Variants in B3GALNT2 observed in about 807,000 individuals in gnomAD.
B3GALNT2 encodes UDP-GalNAc:beta-1,3-N-acetylgalactosaminyltransferase 2.
In B3GALNT2, 53 loss-of-function variants were observed where a neutral mutation model predicts 61.1. That is an observed-to-expected ratio of 0.87 (90% CI 0.70 to 1.09). The LOEUF (loss-of-function observed/expected upper bound fraction) is 1.09, where lower values mean the gene tolerates loss of function less well. Ranked by LOEUF, B3GALNT2 falls within the 50% of genes least tolerant of loss-of-function variation. The pLI is 0.00. For missense variants in B3GALNT2, 544 were observed against 623.0 expected, an observed-to-expected ratio of 0.87 and a Z score of 1.35; for synonymous variants, 223 against 237.4, an observed-to-expected ratio of 0.94 and a Z score of 0.56.
intron 1 of B3GALNT2, among the ~76,000 whole-genome samples, chr1:235,501,422 G>A (rs1685576889): frequency 6.6e-6 from 1 of 152,180 alleles, no homozygotes; most frequent in Admixed American, 6.5e-5. Context: ...GGACTTCCCT[G>A]ACCTATTTAA....
chr1:235,487,500 AACTGAGGCAGAGGAGGTC>A (rs1272091443), intron 3 of B3GALNT2, among the ~76,000 whole-genome samples: 1 of 152,188 alleles, frequency 6.6e-6, no homozygotes, highest in Non-Finnish European at 1.5e-5. Flanking sequence ...CAGATGATAA[AACTGAGGCAGAGGAGGTC>A]ACACAGCTAG....
chr1:235,504,400 G>T lies in B3GALNT2; in HGVS notation c.-148C>A. ...CTCGGCGACGTCTGGGGGGCTCCTC[G>T]CAGCTCCCGGCCCCGCTCCTCCGGT... On this transcript the variant is annotated 5_prime_UTR_variant, in exon 1 of 12. Transcript: ENST00000366600. The T allele has an allele frequency of 1.2e-6, 1 of 821,288 alleles. No homozygotes were observed. Among genetic ancestry groups the T allele is most frequent in the South Asian group, 2.2e-5 (1 of 44,548 alleles). 50.9% of individuals were successfully genotyped at this position (821,288 alleles called of 1,614,324 possible). A position where few individuals can be genotyped will look rare whatever the true frequency, so the allele number is the denominator to read the frequency against.
chr1:235,455,836 TTGC>T, intron 8 of B3GALNT2, 152 bp from the exon 9 acceptor site: 2 of 993,552 alleles, frequency 2.0e-6, no homozygotes, highest in East Asian at 5.2e-5. Flanking sequence ...TAACAAAATT[TTGC>T]TGCTATCAAC....
intron 4 of B3GALNT2, among the ~76,000 whole-genome samples, chr1:235,483,214 A>G (rs890385631): frequency 2.6e-5 from 4 of 152,200 alleles, no homozygotes; most frequent in African/African-American, 9.6e-5. Flanking sequence ...AGTTATCTAC[A>G]TTAGAAAAGA....
At chr1:235,497,963 T>C (rs997471947) in intron 1 of B3GALNT2, among the ~76,000 whole-genome samples, 8 of 152,248 alleles carry the variant, frequency 5.3e-5, no homozygotes, top group Admixed American at 2.6e-4. Context: ...ATGTCTAAGC[T>C]GCTTCTGTTC....
intron 2 of B3GALNT2, among the ~76,000 whole-genome samples, chr1:235,494,070 A>G (rs981629446): frequency 2.6e-5 from 4 of 152,210 alleles, no homozygotes; most frequent in Admixed American, 2.0e-4. Context: ...CAGGAAAAAG[A>G]GCATGGCATA....
the B3GALNT2 span, among the ~76,000 whole-genome samples, chr1:235,440,380 T>C: frequency 0.094 from 14,238 of 152,034 alleles, 1,326 homozygotes; most frequent in African/African-American, 0.24. Flanking sequence ...AGTTTATGTC[T>C]GAGGCATCCG....
intron 4 of B3GALNT2, among the ~76,000 whole-genome samples, chr1:235,482,892 A>T (rs1684624622): frequency 6.6e-6 from 1 of 152,090 alleles, no homozygotes; most frequent in Non-Finnish European, 1.5e-5. Flanking sequence ...AAAACAGAAA[A>T]ATGTTACCCA....
At chr1:235,498,578 C>T (rs553986444) in intron 1 of B3GALNT2, among the ~76,000 whole-genome samples, 2 of 152,118 alleles carry the variant, frequency 1.3e-5, no homozygotes, top group South Asian at 2.1e-4. Context: ...GTGGCTCATG[C>T]CTATAATCCC....
intron 1 of B3GALNT2, among the ~76,000 whole-genome samples, chr1:235,498,880 A>T (rs1315458911): frequency 7.1e-6 from 1 of 141,740 alleles, no homozygotes; most frequent in Non-Finnish European, 1.5e-5. Context: ...AAAAAAGGCT[A>T]CTCTTTTTCA....
intron 8 of B3GALNT2, among the ~76,000 whole-genome samples, chr1:235,457,394 G>A (rs751844255): frequency 6.6e-6 from 1 of 152,110 alleles, no homozygotes; most frequent in Non-Finnish European, 1.5e-5. Context: ...AGGTTTGAAA[G>A]TTTTGGCTCC....
chr1:235,460,994 T>C (rs1463332660), intron 7 of B3GALNT2, among the ~76,000 whole-genome samples: 1 of 152,210 alleles, frequency 6.6e-6, no homozygotes, highest in Non-Finnish European at 1.5e-5. Flanking sequence ...TGTCCCCAGA[T>C]CCTACTGATT....
intron 1 of B3GALNT2, among the ~76,000 whole-genome samples, chr1:235,500,986 G>A (rs1352264858): frequency 1.3e-5 from 2 of 152,160 alleles, no homozygotes; most frequent in East Asian, 1.9e-4. Flanking sequence ...ATTAGATACT[G>A]TGAGCACCTT....
chr1:235,458,466 C>T lies in B3GALNT2; in HGVS notation c.1025+137G>A, dbSNP rs1394850400. 3.5e-6 allele frequency: 4 copies of T among 1,139,222 alleles called. No individual in the cohort carries two copies. In the African/African-American group the frequency reaches 6.5e-5, roughly 18 times the overall value. The allele number at this position is 1,139,222 out of a possible 1,614,324, so 70.6% of individuals were successfully genotyped here. A position where few individuals can be genotyped will look rare whatever the true frequency, so the allele number is the denominator to read the frequency against. ...TCAGGAGGCTAAGGCAGGAGGTTTG[C>T]CTGCACTCAGGAGTTCAAGACCAGC... On this transcript the variant is annotated intron_variant, in intron 8 of 11. Transcript: ENST00000366600.
At chr1:235,440,269 C>G in the B3GALNT2 span, among the ~76,000 whole-genome samples, 2 of 152,026 alleles carry the variant, frequency 1.3e-5, no homozygotes, top group African/African-American at 4.8e-5. Context: ...CGCGCCCAGC[C>G]AGGGAAAGCA....
the B3GALNT2 span, chr1:235,441,616 G>A: frequency 3.4e-6 from 2 of 592,100 alleles, no homozygotes; most frequent in Non-Finnish European, 3.0e-6. Context: ...GCAGCTCTGG[G>A]TAGATAGAAG....
At chr1:235,462,039 G>A (rs1683458310) in intron 7 of B3GALNT2, among the ~76,000 whole-genome samples, 1 of 152,176 alleles carries the variant, frequency 6.6e-6, no homozygotes, top group Non-Finnish European at 1.5e-5. Flanking sequence ...AGGTAGGTGA[G>A]GCTAAGCTAT....
intron 11 of B3GALNT2, chr1:235,451,512 C>T (rs1558405659): frequency 2.0e-5 from 3 of 146,852 alleles, no homozygotes; most frequent in Admixed American, 1.4e-4. Context: ...AGAAAACAAG[C>T]GCCATGAACA....
In B3GALNT2 at chr1:235,484,309, G is replaced by C. The variant is rs368325354; in HGVS notation, c.555+13C>G. 1.2e-6 allele frequency: 2 copies of C among 1,608,306 alleles called. No homozygotes were observed. Among genetic ancestry groups the C allele is most frequent in the Non-Finnish European group, 1.7e-6 (2 of 1,177,656 alleles). On this transcript the variant is annotated intron_variant, in intron 4 of 11. Transcript: ENST00000366600. ...AGAAAAAAGAGAAAAAACCTGTACA[G>C]AGCAGTGCATACCTCTTGTTCTGCC...
Sources: gnomAD v4.1 joint callset for allele counts (sites outside exome capture counted in the v4.1 genomes callset) on GRCh38, gnomAD v4.1.1 for gene constraint, MANE v1.5 for transcripts, NCBI Gene and HGNC (gene_info 2026-07-23, HGNC 2026-07-21) for gene names.